Variants in PRDM16 observed in about 807,000 individuals in gnomAD.
The protein encoded by PRDM16 is histone-lysine N-methyltransferase PRDM16.
A neutral mutation model predicts 110.6 loss-of-function variants in PRDM16; 23 were observed. That is an observed-to-expected ratio of 0.21 (90% CI 0.15 to 0.29). The LOEUF is 0.29. Among genes scored for constraint, PRDM16 ranks in the 10% least tolerant of loss-of-function variants. The probability of loss-of-function intolerance (pLI) is 1.00; values close to 1 mark genes in which losing one functional copy is unlikely to be tolerated. For missense variants in PRDM16, 1,615 were observed against 1,794.3 expected, an observed-to-expected ratio of 0.90 and a Z score of 1.81; for synonymous variants, 799 against 781.8, an observed-to-expected ratio of 1.02 and a Z score of -0.37.
intron 12 of PRDM16, among the ~76,000 whole-genome samples, chr1:3,423,544 C>T (rs1044649736): frequency 3.3e-5 from 5 of 152,188 alleles, no homozygotes; most frequent in African/African-American, 7.2e-5. Context: ...CCAGGACTCC[C>T]GAGTGTCACC....
chr1:3,387,768 C>G (rs558734884), intron 4 of PRDM16, among the ~76,000 whole-genome samples: 2 of 152,246 alleles, frequency 1.3e-5, no homozygotes, highest in African/African-American at 4.8e-5. Flanking sequence ...TTTCAGTTAT[C>G]AAACGAAAAT....
intron 2 of PRDM16, among the ~76,000 whole-genome samples, chr1:3,198,105 T>G (rs1398741994): frequency 6.6e-6 from 1 of 152,196 alleles, no homozygotes; most frequent in Admixed American, 6.5e-5. Flanking sequence ...TCCTGTGGGC[T>G]GCCTGTCTCT....
intron 2 of PRDM16, among the ~76,000 whole-genome samples, chr1:3,211,999 G>A (rs542372286): frequency 6.6e-6 from 1 of 152,280 alleles, no homozygotes; most frequent in African/African-American, 2.4e-5. Context: ...CTGGATAATG[G>A]GCGAGTTCTC....
intron 3 of PRDM16, among the ~76,000 whole-genome samples, chr1:3,330,868 C>T (rs781154473): frequency 6.6e-6 from 1 of 152,254 alleles, no homozygotes; most frequent in African/African-American, 2.4e-5. Flanking sequence ...CTCCCTCTGC[C>T]TCCAGCCAGA....
At position 3,246,812 on chromosome 1, in the gene PRDM16, G is replaced by C. The variant is rs1004290981; in HGVS notation, c.438+2675G>C. ...CATTTCTAGGCACTCTCGGGGAGCC[G>C]GGGGGGTTGGGGCTGAGAGACTGAG... On this transcript the variant is annotated intron_variant, in intron 3 of 16. Transcript: ENST00000270722. This position sits in a 1 kb window ranked among gnomAD's most constrained non-coding sequence, Gnocchi z 5.2. Among the ~76,000 whole-genome samples the C allele has an allele frequency of 1.3e-5, 2 of 152,070 alleles. No homozygotes were observed. Among genetic ancestry groups the C allele is most frequent in the African/African-American group, 2.4e-5 (1 of 41,408 alleles).
intron 4 of PRDM16, among the ~76,000 whole-genome samples, chr1:3,395,134 T>C (rs1368841806): frequency 6.6e-6 from 1 of 152,168 alleles, no homozygotes; most frequent in Admixed American, 6.5e-5. Flanking sequence ...CTTGGTGTCA[T>C]TCTGGAGTCA....
At chr1:3,140,481 T>G (rs1464784072) in intron 1 of PRDM16, among the ~76,000 whole-genome samples, 1 of 152,128 alleles carries the variant, frequency 6.6e-6, no homozygotes, top group Non-Finnish European at 1.5e-5. Flanking sequence ...CTCGCCTGTC[T>G]CTGCAGAGAA....
At chr1:3,233,465 T>G (rs111591467) in intron 2 of PRDM16, among the ~76,000 whole-genome samples, 1,960 of 152,256 alleles carry the variant, frequency 0.013, 51 homozygotes, top group African/African-American at 0.043. Flanking sequence ...GTGAGCGGAA[T>G]CTGTCCTGGG....
chr1:3,279,347 C>T (rs772405189), intron 3 of PRDM16, among the ~76,000 whole-genome samples: 6 of 152,150 alleles, frequency 3.9e-5, no homozygotes, highest in Non-Finnish European at 7.4e-5. Flanking sequence ...AGATCTGAAA[C>T]GCAGAGAGGA....
chr1:3,220,381 C>T (rs1557538116), intron 2 of PRDM16, among the ~76,000 whole-genome samples: 1 of 152,204 alleles, frequency 6.6e-6, no homozygotes, highest in Non-Finnish European at 1.5e-5. Flanking sequence ...CAGGAGCTAC[C>T]TGCAGCCCTC....
chr1:3,173,858 A>C (rs1209829770), intron 1 of PRDM16, among the ~76,000 whole-genome samples: 6 of 152,080 alleles, frequency 3.9e-5, no homozygotes, highest in Non-Finnish European at 4.4e-5. Flanking sequence ...TTCCTCTGAG[A>C]GAAGGGGGCC....
At chr1:3,107,582 C>G (rs1340774857) in intron 1 of PRDM16, among the ~76,000 whole-genome samples, 1 of 152,238 alleles carries the variant, frequency 6.6e-6, no homozygotes, top group Non-Finnish European at 1.5e-5. Flanking sequence ...ACTTCTCTGT[C>G]TCAGCCCATT....
intron 2 of PRDM16, among the ~76,000 whole-genome samples, chr1:3,217,811 G>A (rs549040575): frequency 3.3e-5 from 5 of 152,304 alleles, no homozygotes; most frequent in East Asian, 1.9e-4. Flanking sequence ...TGGGACGCGC[G>A]CTCTTCCCCC....
At chr1:3,270,145 C>CGGAGGAGGACAGTCGGGAGAATAGTCCT (rs1640405614) in intron 3 of PRDM16, among the ~76,000 whole-genome samples, 1 of 137,612 alleles carries the variant, frequency 7.3e-6, no homozygotes, top group Admixed American at 7.3e-5. Flanking sequence ...AGTACAGTCC[C>CGGAGGAGGACAGTCGGGAGAATAGTCCT]GGAGGAGGAC....
chr1:3,264,592 G>T (rs1640243014), intron 3 of PRDM16, among the ~76,000 whole-genome samples: 1 of 148,330 alleles, frequency 6.7e-6, no homozygotes, highest in East Asian at 2.0e-4. Flanking sequence ...GCCAGGAGGA[G>T]CGGAAAGGGG....
At chr1:3,340,759 A>T (rs1642254387) in intron 3 of PRDM16, among the ~76,000 whole-genome samples, 1 of 152,184 alleles carries the variant, frequency 6.6e-6, no homozygotes, top group Non-Finnish European at 1.5e-5. Context: ...GGCCATCTAG[A>T]TGAACAACGG....
chr1:3,369,227 A>G (rs1642869892), intron 3 of PRDM16, among the ~76,000 whole-genome samples: 1 of 152,154 alleles, frequency 6.6e-6, no homozygotes, highest in African/African-American at 2.4e-5. Flanking sequence ...TTGTCATTCA[A>G]AACTGACTCT....
At chr1:3,263,274 C>T (rs563838850) in intron 3 of PRDM16, among the ~76,000 whole-genome samples, 5 of 152,306 alleles carry the variant, frequency 3.3e-5, no homozygotes, top group African/African-American at 4.8e-5. Context: ...AGGCTCTCCC[C>T]GCCCCGCCCG....
Position 3,190,731 on chromosome 1 carries a change from C to T in PRDM16, c.387+4257C>T, listed in dbSNP as rs1169034857. ...CACGCCCCGCCGGTCGCCGCCGAAG[C>T]CCACCTGCCTGGAGGAAATCACCCG... On this transcript the variant is annotated intron_variant, in intron 2 of 16. Coordinates refer to ENST00000270722, the MANE Select transcript of PRDM16 (RefSeq NM_022114.4). This position sits in a 1 kb window ranked among gnomAD's most constrained non-coding sequence, Gnocchi z 5.0. Among the ~76,000 whole-genome samples, 4 of 152,222 alleles carry T rather than the reference C, an allele frequency of 2.6e-5. No individual in the cohort carries two copies. The highest frequency in any genetic ancestry group is 4.1e-4 in the South Asian group (2 of 4,834).
Sources: allele counts gnomAD v4.1 joint callset (sites outside exome capture counted in the v4.1 genomes callset), GRCh38; gene constraint gnomAD v4.1.1; non-coding constraint Gnocchi (gnomAD v3.1); transcripts MANE v1.5; gene names NCBI Gene and HGNC (gene_info 2026-07-23, HGNC 2026-07-21).